The following PPP5C variants were observed in gnomAD, a reference collection of about 807,000 sequenced individuals.
PPP5C encodes the protein protein phosphatase 5 catalytic subunit, also known as serine/threonine-protein phosphatase 5.
A neutral mutation model predicts 66.7 loss-of-function variants in PPP5C; 21 were observed. The observed-to-expected ratio is 0.31, with a 90% CI of 0.22 to 0.45. The LOEUF is 0.45. PPP5C is among the 20% of genes least tolerant of loss of function. The probability of loss-of-function intolerance (pLI) is 1.00; values close to 1 mark genes in which losing one functional copy is unlikely to be tolerated. For synonymous variants in PPP5C, 246 were observed against 257.4 expected, an observed-to-expected ratio of 0.96 and a Z score of 0.43; for missense variants, 464 against 675.9, an observed-to-expected ratio of 0.69 and a Z score of 3.48.
intron 4 of PPP5C, among the ~76,000 whole-genome samples, chr19:46,380,771 C>G (rs554333993): frequency 1.4e-4 from 22 of 152,144 alleles, no homozygotes; most frequent in African/African-American, 4.1e-4. Flanking sequence ...TCTGTGAGAA[C>G]TCAGCAATCA....
rs1223158583 is a variant in PPP5C, at chr19:46,376,347, C to T, written c.512-106C>T. The T allele has an allele frequency of 4.1e-6, 6 of 1,449,976 alleles. No individual in the cohort carries two copies. The highest frequency in any genetic ancestry group is 2.6e-5 in the South Asian group (2 of 78,220). 89.8% of individuals were successfully genotyped at this position (1,449,976 alleles called of 1,614,324 possible). ...TTCACTCACTCTGTCCCGCTCTCGACCTGTGTGTCCACACCCAAGTTTTCC... is the reference window on the plus strand; with the variant it reads ...TTCACTCACTCTGTCCCGCTCTCGATCTGTGTGTCCACACCCAAGTTTTCC... On this transcript the variant is annotated intron_variant, in intron 3 of 12. Coordinates refer to ENST00000012443, the MANE Select transcript of PPP5C (RefSeq NM_006247.4). The surrounding 1 kb of genome is among the most constrained non-coding windows in gnomAD (Gnocchi z 5.1).
chr19:46,352,847 T>G (rs1475330425), intron 1 of PPP5C, among the ~76,000 whole-genome samples: 1 of 151,484 alleles, frequency 6.6e-6, no homozygotes, highest in African/African-American at 2.4e-5. Context: ...GAAGGCCCAC[T>G]TGTCACCTGC....
intron 2 of PPP5C, among the ~76,000 whole-genome samples, chr19:46,373,594 A>G: frequency 7.0e-6 from 1 of 142,454 alleles, no homozygotes; most frequent in African/African-American, 2.5e-5. Flanking sequence ...ACCCCTGGAG[A>G]ACAGGAGACT....
In PPP5C at chr19:46,383,577, T is replaced by TCC; in HGVS notation, c.699+103_699+104dup. On this transcript the variant is annotated intron_variant, in intron 5 of 12. Transcript: ENST00000012443. The surrounding 1 kb of genome is among the most constrained non-coding windows in gnomAD (Gnocchi z 5.0). ...GAACTCACGGATCCACCTCCCTCTCTCCCTCACACCCCACCCCTGTGCCTT... is the reference window on the plus strand; with the variant it reads ...GAACTCACGGATCCACCTCCCTCTCTCCCCCTCACACCCCACCCCTGTGCCTT... 1 of 1,257,890 alleles carries TCC rather than the reference T, an allele frequency of 7.9e-7. No homozygotes were observed. Among genetic ancestry groups the TCC allele is most frequent in the Non-Finnish European group, 1.1e-6 (1 of 901,824 alleles). 77.9% of individuals were successfully genotyped at this position (1,257,890 alleles called of 1,614,324 possible).
Position 46,384,230 on chromosome 19 carries a change from C to T in PPP5C, c.798+352C>T, listed in dbSNP as rs73563005. 9.5e-3 allele frequency: 3,005 copies of T among 315,790 alleles called. 95 individuals are homozygous for T. Among genetic ancestry groups the T allele is most frequent in the African/African-American group, 0.059 (2,792 of 47,650 alleles). 19.6% of individuals were successfully genotyped at this position (315,790 alleles called of 1,614,324 possible). On this transcript the variant is annotated intron_variant, in intron 6 of 12. Transcript: ENST00000012443. Reference sequence around the variant, plus strand: ...CTTTGCCACTTCCCAGCTGTGTGACCGAAGCAGGTTACTTCACTGCTTGGT... The same window carrying T: ...CTTTGCCACTTCCCAGCTGTGTGACTGAAGCAGGTTACTTCACTGCTTGGT...
intron 6 of PPP5C, 93 bp from the exon 7 acceptor site, chr19:46,384,711 C>T: frequency 3.2e-6 from 3 of 935,334 alleles, no homozygotes; most frequent in Non-Finnish European, 5.2e-6. Flanking sequence ...CAGGCAGGAG[C>T]AGCCCATCTG....
At chr19:46,349,296 A>C (rs1972141309) in intron 1 of PPP5C, among the ~76,000 whole-genome samples, 1 of 152,108 alleles carries the variant, frequency 6.6e-6, no homozygotes, top group Non-Finnish European at 1.5e-5. Context: ...TCAAGAAAAA[A>C]AAAAAGAGAG....
intron 7 of PPP5C, among the ~76,000 whole-genome samples, chr19:46,385,973 TG>T (rs11349039): frequency 0.75 from 112,169 of 149,948 alleles, 42,287 homozygotes; most frequent in South Asian, 0.85. Context: ...GTAAGAAACT[TG>T]GAAGTAGAGC....
At chr19:46,350,378 G>A (rs559133806) in intron 1 of PPP5C, among the ~76,000 whole-genome samples, 54 of 152,308 alleles carry the variant, frequency 3.5e-4, no homozygotes, top group African/African-American at 1.3e-3. Flanking sequence ...CAGCCTGCAT[G>A]GGGGTTGCTG....
chr19:46,367,067 G>A (rs1011508139), intron 2 of PPP5C, among the ~76,000 whole-genome samples: 13 of 152,198 alleles, frequency 8.5e-5, no homozygotes, highest in South Asian at 4.1e-4. Flanking sequence ...ACATAGGTGC[G>A]GGACTAGTGG....
Position 46,353,815 on chromosome 19 carries a change from C to G in PPP5C, c.189C>G (p.Ile63Met). Residue 63 changes from isoleucine (I) to methionine (M), a missense_variant, in exon 2 of 13, where the codon ATC becomes ATG. By Grantham distance (10) the Ile-to-Met change is conservative. Around this residue, in one of 2 missense-constraint regions of PPP5C, gnomAD observed 387 missense variants for 626.0 expected, o/e 0.62. Transcript: ENST00000012443. ...QAIELNPSNA[I>M]YYGNRSLAYL... Reference sequence around the variant, plus strand: ...TCGAGCTGAACCCCAGCAATGCCATCTACTATGGCAACCGCAGCCTGGCCT... The same window carrying G: ...TCGAGCTGAACCCCAGCAATGCCATGTACTATGGCAACCGCAGCCTGGCCT... The G allele has an allele frequency of 1.2e-6, 2 of 1,613,880 alleles. No individual in the cohort carries two copies. Among genetic ancestry groups the G allele is most frequent in the Non-Finnish European group, 8.5e-7 (1 of 1,179,916 alleles).
Position 46,390,423 on chromosome 19 carries a change from A to G in PPP5C, c.*77A>G. On this transcript the variant is annotated 3_prime_UTR_variant, in exon 13 of 13. Transcript: ENST00000012443. Reference sequence around the variant, plus strand: ...CCAGGCCCTGGGCTAGGGGCAGAGCAGGCCCCGCCCCAGGGCAATGTTGGA... The same window carrying G: ...CCAGGCCCTGGGCTAGGGGCAGAGCGGGCCCCGCCCCAGGGCAATGTTGGA... 3 of 1,544,580 alleles carry G rather than the reference A, an allele frequency of 1.9e-6. 1 individual carries two copies. In the South Asian group the frequency reaches 3.6e-5, roughly 18 times the overall value.
intron 2 of PPP5C, among the ~76,000 whole-genome samples, chr19:46,359,157 G>A (rs1237284979): frequency 6.6e-6 from 1 of 152,112 alleles, no homozygotes; most frequent in Non-Finnish European, 1.5e-5. Flanking sequence ...GAGGGGGAAG[G>A]AGATGGCTCA....
chr19:46,374,803 G>A (rs1211590806), intron 2 of PPP5C, among the ~76,000 whole-genome samples: 1 of 152,150 alleles, frequency 6.6e-6, no homozygotes, highest in African/African-American at 2.4e-5. Context: ...TGGCCCTCTT[G>A]AGGGAGATAT....
At chr19:46,380,418 A>T (rs570962777) in intron 4 of PPP5C, among the ~76,000 whole-genome samples, 1 of 152,214 alleles carries the variant, frequency 6.6e-6, no homozygotes, top group Non-Finnish European at 1.5e-5. Context: ...CTATAAATAC[A>T]TTGTTGTCAT....
intron 1 of PPP5C, 116 bp downstream of exon 1, chr19:46,347,333 GA>G: frequency 7.0e-7 from 1 of 1,421,666 alleles, no homozygotes. Flanking sequence ...ACTACCAAGT[GA>G]CCGGGCGTGG....
chr19:46,385,359 C>T (rs1335088697), intron 7 of PPP5C, among the ~76,000 whole-genome samples: 3 of 152,110 alleles, frequency 2.0e-5, no homozygotes, highest in African/African-American at 7.2e-5. Flanking sequence ...AAGTAGAGCC[C>T]GGAGCTGAGT....
intron 2 of PPP5C, among the ~76,000 whole-genome samples, chr19:46,357,162 C>T (rs1186223993): frequency 6.6e-6 from 1 of 152,232 alleles, no homozygotes; most frequent in African/African-American, 2.4e-5. Flanking sequence ...ATCCTCCCAC[C>T]TCAGCCTCCC....
Position 46,376,601 on chromosome 19 carries a change from C to T in PPP5C, c.633+27C>T, listed in dbSNP as rs1821616741. ...TAATGCATCTGTCAGGTACTGGGCA[C>T]CCGGGAACCCTGGGATGGCATCACA... On this transcript the variant is annotated intron_variant, in intron 4 of 12. Coordinates refer to ENST00000012443, the MANE Select transcript of PPP5C (RefSeq NM_006247.4). The surrounding 1 kb of genome is among the most constrained non-coding windows in gnomAD (Gnocchi z 5.1). 6.2e-7 allele frequency: 1 copy of T among 1,609,368 alleles called. No homozygotes were observed. The highest frequency in any genetic ancestry group is 1.1e-5 in the South Asian group (1 of 90,604).
Sources: allele counts gnomAD v4.1 joint callset (sites outside exome capture counted in the v4.1 genomes callset), GRCh38; gene constraint gnomAD v4.1.1; regional missense constraint gnomAD v4.1.1; non-coding constraint Gnocchi (gnomAD v3.1); transcripts MANE v1.5; gene names NCBI Gene and HGNC (gene_info 2026-07-23, HGNC 2026-07-21).